PCGF3: variants seen among roughly 807,000 people sequenced by gnomAD.
The protein encoded by PCGF3 is polycomb group ring finger 3.
In PCGF3, 7 loss-of-function variants were observed where a neutral mutation model predicts 33.1. The observed-to-expected ratio is 0.21, with a 90% CI of 0.12 to 0.40. The LOEUF (loss-of-function observed/expected upper bound fraction) is 0.40. PCGF3 is among the 10% of genes least tolerant of loss of function. PCGF3 has a pLI of 1.00. For synonymous variants in PCGF3, 153 were observed against 121.3 expected, an observed-to-expected ratio of 1.26 and a Z score of -1.72; for missense variants, 211 against 313.3, an observed-to-expected ratio of 0.67 and a Z score of 2.46.
intron 1 of PCGF3, among the ~76,000 whole-genome samples, chr4:715,600 T>C (rs1577395958): frequency 2.1e-5 from 2 of 96,490 alleles, no homozygotes; most frequent in Non-Finnish European, 4.2e-5. Context: ...GTGTGAGAAC[T>C]GGGTGTCGGT....
intron 1 of PCGF3, among the ~76,000 whole-genome samples, chr4:710,885 G>C (rs548694055): frequency 1.3e-5 from 2 of 152,184 alleles, no homozygotes; most frequent in South Asian, 4.1e-4. Flanking sequence ...ATTATCAACC[G>C]ACTTCTGTTA....
In PCGF3 at chr4:737,172, G is replaced by A. The variant is rs138585251; in HGVS notation, c.207-294G>A. ...TCTGCAGGGACGGTGTCCCCTGAGC[G>A]CACGGGACGTGGGGAATCTGGGGTG... On this transcript the variant is annotated intron_variant, in intron 5 of 10. Transcript: ENST00000362003. 4.6e-3 allele frequency among the ~76,000 whole-genome samples: 703 copies of A among 151,716 alleles called. 11 individuals are homozygous for A. The highest frequency in any genetic ancestry group is 0.015 in the African/African-American group (633 of 41,132).
intron 1 of PCGF3, among the ~76,000 whole-genome samples, chr4:727,105 G>A (rs1403823757): frequency 6.6e-6 from 1 of 152,196 alleles, no homozygotes; most frequent in African/African-American, 2.4e-5. Flanking sequence ...GAGGGGTTAC[G>A]CTGTGTTTAT....
In PCGF3 at chr4:735,010, C is replaced by T. The variant is rs747532220; in HGVS notation, c.189C>T (p.His63=). The T allele has an allele frequency of 3.7e-6, 6 of 1,612,864 alleles. No homozygotes were observed. In the South Asian group the frequency reaches 5.5e-5, roughly 15 times the overall value. Residue 63 remains histidine, a synonymous_variant, in exon 5 of 11, where the codon CAC becomes CAT. Transcript: ENST00000362003. ...GCAGGATTGTGATCCACCAGAGCCA[C>T]CCCCTGCAGTACATCGGGTGAGTGT...
At position 753,609 on chromosome 4, in the gene PCGF3, C is replaced by G. The variant is rs954256029; in HGVS notation, c.463-7670C>G. Among the ~76,000 whole-genome samples, 7 of 150,846 alleles carry G rather than the reference C, an allele frequency of 4.6e-5. No homozygotes were observed. In the South Asian group the frequency reaches 1.5e-3, roughly 32 times the overall value. On this transcript the variant is annotated intron_variant, in intron 8 of 10. Coordinates refer to ENST00000362003, the Ensembl canonical transcript of PCGF3. ...AGTGAGCCGAGATCACGCCACTGCA[C>G]TCCAGCCTGGGCGACAGAGCGAGAG... is the stretch of plus-strand genomic sequence containing the variant.
Position 720,903 on chromosome 4 carries a change from C to T in PCGF3, c.-189-9727C>T, listed in dbSNP as rs183522875. The stretch of plus-strand genomic sequence containing the variant: ...TGTGGAGGGTGAATTAGTGCGAGGG[C>T]GGCTTGGAGAAGCCTGTCCTGGGCG... On this transcript the variant is annotated intron_variant, in intron 1 of 10. Transcript: ENST00000362003. The surrounding 1 kb of genome is among the most constrained non-coding windows in gnomAD (Gnocchi z 5.6). Among the ~76,000 whole-genome samples the T allele has an allele frequency of 6.8e-4, 103 of 152,266 alleles. No homozygotes were observed. Among genetic ancestry groups the T allele is most frequent in the African/African-American group, 2.2e-3 (90 of 41,556 alleles).
At chr4:762,035 G>C in intron 9 of PCGF3, 1 of 985,404 alleles carries the variant, frequency 1.0e-6, no homozygotes, top group Non-Finnish European at 1.2e-6. Context: ...TTGCAGGAGA[G>C]GCGGACTGTG....
At chr4:755,497 C>T (rs932065180) in intron 8 of PCGF3, among the ~76,000 whole-genome samples, 3 of 152,190 alleles carry the variant, frequency 2.0e-5, no homozygotes, top group South Asian at 4.1e-4. Context: ...TTTCCTTCTG[C>T]GGCTGTCGGC....
chr4:736,095 T>A (rs1743810872), intron 5 of PCGF3, among the ~76,000 whole-genome samples: 3 of 152,160 alleles, frequency 2.0e-5, no homozygotes, highest in African/African-American at 7.2e-5. Context: ...GTCGCCAGGC[T>A]GGAGTGCAAT....
chr4:730,868 G>T, intron 2 of PCGF3, 102 bp from the exon 3 acceptor site: 1 of 396,530 alleles, frequency 2.5e-6, no homozygotes, highest in Non-Finnish European at 4.4e-6. Context: ...TCCGCCCTTT[G>T]CTCGGTAGGG....
At chr4:714,408 A>G (rs1454647817) in intron 1 of PCGF3, among the ~76,000 whole-genome samples, 1 of 152,188 alleles carries the variant, frequency 6.6e-6, no homozygotes, top group African/African-American at 2.4e-5. Flanking sequence ...CTTGCTGGGA[A>G]GGTGAGTCCC....
At chr4:743,224 G>A (rs761226061) in intron 6 of PCGF3, among the ~76,000 whole-genome samples, 12 of 152,232 alleles carry the variant, frequency 7.9e-5, no homozygotes, top group Non-Finnish European at 1.6e-4. Flanking sequence ...CCCCGTGCCT[G>A]TCCTAGGCCT....
intron 8 of PCGF3, among the ~76,000 whole-genome samples, chr4:754,609 G>A (rs1028845448): frequency 6.6e-6 from 1 of 152,246 alleles, no homozygotes; most frequent in East Asian, 1.9e-4. Flanking sequence ...TGAGTCCGGG[G>A]CAGAGTGAAC....
rs1244049784 is a variant in PCGF3 at position 721,606 on chromosome 4, A to G, written c.-189-9024A>G. 2.6e-5 allele frequency among the ~76,000 whole-genome samples: 4 copies of G among 152,122 alleles called. No homozygotes were observed. Among genetic ancestry groups the G allele is most frequent in the Non-Finnish European group, 5.9e-5 (4 of 68,006 alleles). ...CCCCCCAGGACTCCTTTCACAGGAC[A>G]GAGAAGCTCCTGGTGAGCGGGGCTG... is the stretch of plus-strand genomic sequence containing the variant. On this transcript the variant is annotated intron_variant, in intron 1 of 10. Transcript: ENST00000362003. The surrounding 1 kb of genome is among the most constrained non-coding windows in gnomAD (Gnocchi z 4.1).
At chr4:712,162 A>G (rs1742597985) in intron 1 of PCGF3, among the ~76,000 whole-genome samples, 1 of 152,166 alleles carries the variant, frequency 6.6e-6, no homozygotes, top group Non-Finnish European at 1.5e-5. Context: ...TTATCACTGA[A>G]TTTTAAAAAT....
chr4:766,638 A>G (rs1342763421), exon 11 of PCGF3: 1 of 152,310 alleles, frequency 6.6e-6, no homozygotes, highest in Non-Finnish European at 1.5e-5. Flanking sequence ...TGATTTAACC[A>G]TTGTATTTAA....
chr4:717,750 T>G (rs1577398160), intron 1 of PCGF3, among the ~76,000 whole-genome samples: 1 of 152,192 alleles, frequency 6.6e-6, no homozygotes, highest in African/African-American at 2.4e-5. Flanking sequence ...CTTGATAAGG[T>G]GCAGGAGGGC....
chr4:761,164 C>T, intron 8 of PCGF3, 115 bp from the exon 9 acceptor site: 1 of 731,030 alleles, frequency 1.4e-6, no homozygotes, highest in Non-Finnish European at 2.1e-6. Flanking sequence ...GATGTCTGAT[C>T]TCAAAAAGGT....
At chr4:749,233 C>T (rs528543890) in intron 8 of PCGF3, among the ~76,000 whole-genome samples, 6 of 152,028 alleles carry the variant, frequency 3.9e-5, no homozygotes, top group African/African-American at 1.2e-4. Flanking sequence ...GGCACGATCT[C>T]GGCTCACTGC....
Sources: allele counts gnomAD v4.1 joint callset (sites outside exome capture counted in the v4.1 genomes callset), GRCh38; gene constraint gnomAD v4.1.1; non-coding constraint Gnocchi (gnomAD v3.1); transcripts MANE v1.5; gene names NCBI Gene and HGNC (gene_info 2026-07-23, HGNC 2026-07-21).